CLDN10: variants seen among roughly 807,000 people sequenced by gnomAD.
CLDN10 encodes the protein claudin-10.
A neutral mutation model predicts 22.9 loss-of-function variants in CLDN10; 15 were observed. The ratio of observed to expected loss-of-function variants is 0.65; its 90% CI spans 0.44 to 1.01. The LOEUF (loss-of-function observed/expected upper bound fraction) is 1.01, where lower values mean the gene tolerates loss of function less well. CLDN10 is among the 50% of genes least tolerant of loss of function. The probability of loss-of-function intolerance (pLI) is 0.00; values close to 1 mark genes in which losing one functional copy is unlikely to be tolerated. For synonymous variants in CLDN10, 114 were observed against 111.4 expected, an observed-to-expected ratio of 1.02 and a Z score of -0.15; for missense variants, 247 against 287.8, an observed-to-expected ratio of 0.86 and a Z score of 1.03.
intron 1 of CLDN10, among the ~76,000 whole-genome samples, chr13:95,525,539 C>A (rs1042825394): frequency 6.6e-6 from 1 of 152,156 alleles, no homozygotes; most frequent in Non-Finnish European, 1.5e-5. Flanking sequence ...ATCGCCCAGG[C>A]TGGAGTACAG....
chr13:95,551,255 T>C (rs939637296), upstream of CLDN10, among the ~76,000 whole-genome samples: 9 of 152,134 alleles, frequency 5.9e-5, no homozygotes, highest in African/African-American at 2.2e-4. Context: ...TGGGGCTCAA[T>C]AGGAAGAAAA....
chr13:95,544,347 T>C (rs1204280601), intron 1 of CLDN10, among the ~76,000 whole-genome samples: 2 of 152,148 alleles, frequency 1.3e-5, no homozygotes, highest in Non-Finnish European at 2.9e-5. Context: ...AAATAAAACA[T>C]GGCTTAACTC....
intron 1 of CLDN10, among the ~76,000 whole-genome samples, chr13:95,470,108 T>C (rs969279203): frequency 6.6e-6 from 1 of 152,112 alleles, no homozygotes; most frequent in Non-Finnish European, 1.5e-5. Context: ...ACCCTGCAAA[T>C]ATGGAACTAG....
chr13:95,494,592 G>A (rs568664260), intron 1 of CLDN10, among the ~76,000 whole-genome samples: 7 of 152,154 alleles, frequency 4.6e-5, no homozygotes, highest in East Asian at 1.9e-4. Context: ...TTATTCTTCC[G>A]CTTAATAAAA....
chr13:95,543,537 T>G (rs1408934011), intron 1 of CLDN10, among the ~76,000 whole-genome samples: 1 of 152,172 alleles, frequency 6.6e-6, no homozygotes, highest in African/African-American at 2.4e-5. Flanking sequence ...AAAAAAATAC[T>G]GCATTTTCCA....
intron 3 of CLDN10, among the ~76,000 whole-genome samples, chr13:95,576,331 G>A (rs2043924944): frequency 1.3e-5 from 2 of 152,142 alleles, no homozygotes; most frequent in Admixed American, 6.5e-5. Context: ...ATTTTACACT[G>A]AAAAGCACCA....
intron 3 of CLDN10, among the ~76,000 whole-genome samples, chr13:95,572,474 T>C (rs535110953): frequency 2.0e-5 from 3 of 152,096 alleles, no homozygotes; most frequent in Non-Finnish European, 2.9e-5. Flanking sequence ...AAAATGAGGA[T>C]AGTAATACCT....
intron 1 of CLDN10, among the ~76,000 whole-genome samples, chr13:95,460,610 A>C (rs1401989332): frequency 1.3e-5 from 2 of 152,090 alleles, no homozygotes; most frequent in Admixed American, 1.3e-4. Flanking sequence ...AATTATCTCT[A>C]CCTGATCTTT....
At chr13:95,467,254 A>G (rs1015034845) in intron 1 of CLDN10, among the ~76,000 whole-genome samples, 1 of 152,142 alleles carries the variant, frequency 6.6e-6, no homozygotes, top group Non-Finnish European at 1.5e-5. Context: ...AAATTATTTT[A>G]TTCATAAATA....
At chr13:95,577,093 A>C (rs940237034) in intron 3 of CLDN10, 138 bp from the exon 4 acceptor site, 3 of 630,994 alleles carry the variant, frequency 4.8e-6, no homozygotes. Context: ...TTACAGACAC[A>C]AGGTGTTATT....
intron 3 of CLDN10, among the ~76,000 whole-genome samples, chr13:95,569,559 G>A (rs1248842459): frequency 6.6e-6 from 1 of 151,864 alleles, no homozygotes; most frequent in African/African-American, 2.4e-5. Flanking sequence ...ACTCCAGCCT[G>A]GGCAACAGAG....
chr13:95,472,888 C>G (rs966859137), intron 1 of CLDN10, among the ~76,000 whole-genome samples: 9 of 151,416 alleles, frequency 5.9e-5, no homozygotes, highest in African/African-American at 2.2e-4. Flanking sequence ...CACCTGTAAT[C>G]CCCGCACTTT....
chr13:95,465,044 C>T lies in CLDN10; in HGVS notation c.214+30997C>T, dbSNP rs1170107215. Among the ~76,000 whole-genome samples the T allele has an allele frequency of 4.6e-5, 7 of 152,224 alleles. 1 individual carries two copies. The highest frequency in any genetic ancestry group is 1.5e-5 in the Non-Finnish European group (1 of 68,032). ...TTTTCACACTGCTGATAAAGGCATA[C>T]CTGAGACTGGGAAGAAAATAAATTT... On this transcript the variant is annotated intron_variant, in intron 1 of 4. Transcript: ENST00000376873.
At chr13:95,565,338 CAA>C (rs1162914839) in intron 3 of CLDN10, among the ~76,000 whole-genome samples, 4 of 152,248 alleles carry the variant, frequency 2.6e-5, no homozygotes, top group African/African-American at 9.6e-5. Context: ...TCAAATCATG[CAA>C]AGTTATACGA....
chr13:95,535,583 G>A (rs961823689), intron 1 of CLDN10, among the ~76,000 whole-genome samples: 1 of 151,728 alleles, frequency 6.6e-6, no homozygotes, highest in African/African-American at 2.4e-5. Context: ...GGAGGTGGGG[G>A]TGAGAGGTTT....
intron 1 of CLDN10, among the ~76,000 whole-genome samples, chr13:95,484,172 A>T (rs1384351519): frequency 6.6e-6 from 1 of 152,210 alleles, no homozygotes; most frequent in Non-Finnish European, 1.5e-5. Context: ...AAGATAGGGC[A>T]TGTCCTTGGG....
chr13:95,453,221 C>G (rs886513903), intron 1 of CLDN10, among the ~76,000 whole-genome samples: 1 of 152,210 alleles, frequency 6.6e-6, no homozygotes, highest in Non-Finnish European at 1.5e-5. Flanking sequence ...CAGGAGTCCC[C>G]TCCCTAAACA....
upstream of CLDN10, among the ~76,000 whole-genome samples, chr13:95,550,610 A>G (rs536554273): frequency 2.0e-5 from 3 of 152,322 alleles, no homozygotes; most frequent in Non-Finnish European, 4.4e-5. Context: ...TGTTTTTCAA[A>G]TAGTAATTGG....
chr13:95,531,119 C>A (rs919225893), intron 1 of CLDN10, among the ~76,000 whole-genome samples: 1 of 151,738 alleles, frequency 6.6e-6, no homozygotes, highest in Non-Finnish European at 1.5e-5. Context: ...GGGGTTTCAC[C>A]ATGTTAGCCA....
Sources: gnomAD v4.1 joint callset for allele counts (sites outside exome capture counted in the v4.1 genomes callset) on GRCh38, gnomAD v4.1.1 for gene constraint, MANE v1.5 for transcripts, NCBI Gene and HGNC (gene_info 2026-07-23, HGNC 2026-07-21) for gene names.